The following VPS13B variants were observed in gnomAD, a reference collection of about 807,000 sequenced individuals.
The protein encoded by VPS13B is vacuolar protein sorting 13 homolog B, also known as intermembrane lipid transfer protein VPS13B.
Under a neutral mutation model 426.4 loss-of-function variants are expected in VPS13B, and 285 were observed. That is an observed-to-expected ratio of 0.67 (90% confidence interval 0.61 to 0.74). The LOEUF (loss-of-function observed/expected upper bound fraction) is 0.74, where lower values mean the gene tolerates loss of function less well. VPS13B is among the 30% of genes least tolerant of loss of function. VPS13B has a pLI of 0.00. For synonymous variants in VPS13B, 1,676 were observed against 1,676.4 expected (o/e 1.00, Z 0.01); for missense variants, 4,537 against 4,782.6 (o/e 0.95, Z 1.51).
intron 25 of VPS13B, among the ~76,000 whole-genome samples, chr8:99,498,031 T>C (rs1312042567): frequency 6.6e-6 from 1 of 152,134 alleles, no homozygotes. Flanking sequence ...AGCCATCACA[T>C]ACCATTCAAC....
chr8:99,213,831 T>G (rs1416592983), intron 17 of VPS13B, among the ~76,000 whole-genome samples: 1 of 151,916 alleles, frequency 6.6e-6, no homozygotes, highest in East Asian at 1.9e-4. Flanking sequence ...TTTTTTTTTT[T>G]TTTTGGCTGG....
chr8:99,407,455 A>G (rs1234830800), intron 21 of VPS13B, among the ~76,000 whole-genome samples: 3 of 151,976 alleles, frequency 2.0e-5, no homozygotes, highest in Non-Finnish European at 4.4e-5. Flanking sequence ...ATTTTTTGCT[A>G]TCCATCTATT....
At chr8:99,461,059 A>G (rs144075949) in intron 23 of VPS13B, among the ~76,000 whole-genome samples, 1 of 152,102 alleles carries the variant, frequency 6.6e-6, no homozygotes, top group African/African-American at 2.4e-5. Flanking sequence ...TTTGCAGTTT[A>G]TTTTTGGAAA....
chr8:99,661,199 G>A (rs1431805351), intron 34 of VPS13B, among the ~76,000 whole-genome samples, 155 bp from the exon 35 acceptor site: 1 of 152,064 alleles, frequency 6.6e-6, no homozygotes, highest in Non-Finnish European at 1.5e-5. Flanking sequence ...CAGCGCGAGT[G>A]CTTGTTTACT....
chr8:99,590,091 T>C (rs1826536829), intron 33 of VPS13B, among the ~76,000 whole-genome samples: 1 of 152,210 alleles, frequency 6.6e-6, no homozygotes, highest in Non-Finnish European at 1.5e-5. Flanking sequence ...CAGGAATTTA[T>C]CCATTTCTTC....
intron 39 of VPS13B, among the ~76,000 whole-genome samples, chr8:99,738,889 A>G (rs1482800385): frequency 1.3e-5 from 2 of 152,242 alleles, no homozygotes; most frequent in African/African-American, 2.4e-5. Context: ...TAGAGCTCCC[A>G]GCATGAGCAA....
intron 30 of VPS13B, among the ~76,000 whole-genome samples, chr8:99,535,420 C>T (rs1262683462): frequency 6.6e-6 from 1 of 152,210 alleles, no homozygotes; most frequent in Admixed American, 6.5e-5. Context: ...CTTCCATCCT[C>T]TGTGGTGTAG....
chr8:99,414,743 GC>G (rs1261983751), intron 21 of VPS13B, among the ~76,000 whole-genome samples: 2 of 152,086 alleles, frequency 1.3e-5, no homozygotes, highest in African/African-American at 4.8e-5. Context: ...TCGAATATTG[GC>G]CCCCATTCTC....
chr8:99,158,649 A>G (rs1023523724), intron 15 of VPS13B, among the ~76,000 whole-genome samples: 1 of 152,244 alleles, frequency 6.6e-6, no homozygotes, highest in African/African-American at 2.4e-5. Context: ...CTCATGCTCT[A>G]TAAATGGAAC....
At chr8:99,559,938 G>A (rs1357131786) in intron 31 of VPS13B, among the ~76,000 whole-genome samples, 3 of 152,168 alleles carry the variant, frequency 2.0e-5, no homozygotes, top group Non-Finnish European at 2.9e-5. Context: ...TTCCAATTCT[G>A]TGAAGAAAGT....
chr8:99,280,598 T>A (rs112492208), intron 19 of VPS13B, among the ~76,000 whole-genome samples: 5 of 152,338 alleles, frequency 3.3e-5, no homozygotes, highest in Admixed American at 2.6e-4. Context: ...TAATCAGTTC[T>A]TGATACATGT....
intron 21 of VPS13B, among the ~76,000 whole-genome samples, chr8:99,417,700 G>T (rs3134184): frequency 0.15 from 23,462 of 152,044 alleles, 2,523 homozygotes; most frequent in East Asian, 0.37. Flanking sequence ...TAACAAGACA[G>T]TGTTAATCAG....
intron 39 of VPS13B, among the ~76,000 whole-genome samples, chr8:99,753,552 T>C (rs916291680): frequency 5.3e-5 from 8 of 152,294 alleles, no homozygotes; most frequent in Non-Finnish European, 8.8e-5. Flanking sequence ...AAGTTCTGAG[T>C]ATATTTTTAT....
Position 99,507,123 on chromosome 8 carries a change from C to T in VPS13B, c.4158-14C>T, listed in dbSNP as rs755573403. 1.1e-5 allele frequency: 17 copies of T among 1,613,694 alleles called. No individual in the cohort carries two copies. The highest frequency in any genetic ancestry group is 2.2e-5 in the East Asian group (1 of 44,854). ...AATTGAAGAGAACAGATAAGGTGAACTTATGTTTTCCAGGCCAGGGGAAGG... is the reference window on the plus strand; with the variant it reads ...AATTGAAGAGAACAGATAAGGTGAATTTATGTTTTCCAGGCCAGGGGAAGG... On this transcript the variant is annotated splice_polypyrimidine_tract_variant and intron_variant, in intron 27 of 61. Transcript: ENST00000357162.
intron 43 of VPS13B, among the ~76,000 whole-genome samples, chr8:99,799,632 T>G (rs1289314783): frequency 6.6e-6 from 1 of 152,168 alleles, no homozygotes; most frequent in East Asian, 1.9e-4. Flanking sequence ...AATTAAAAAT[T>G]AAAGATAATT....
At chr8:99,553,819 A>G (rs576196829) in intron 30 of VPS13B, among the ~76,000 whole-genome samples, 9 of 152,226 alleles carry the variant, frequency 5.9e-5, no homozygotes, top group Non-Finnish European at 1.3e-4. Context: ...ATGTCAATAT[A>G]TCAAATATAT....
chr8:99,669,245 A>G (rs1385326030), intron 35 of VPS13B, among the ~76,000 whole-genome samples: 3 of 150,502 alleles, frequency 2.0e-5, no homozygotes, highest in African/African-American at 4.9e-5. Context: ...TAACCATAGG[A>G]TTCCTTAACT....
chr8:99,566,607 T>A (rs1825205490), intron 31 of VPS13B, among the ~76,000 whole-genome samples: 1 of 152,106 alleles, frequency 6.6e-6, no homozygotes, highest in African/African-American at 2.4e-5. Flanking sequence ...CACGCCCAGC[T>A]GATTTTTGTA....
chr8:99,487,411 A>G (rs913216368), intron 25 of VPS13B, among the ~76,000 whole-genome samples: 11 of 152,166 alleles, frequency 7.2e-5, no homozygotes, highest in Admixed American at 5.2e-4. Context: ...AATCCTATCA[A>G]TTAACTTCTT....
Sources: allele counts gnomAD v4.1 joint callset (sites outside exome capture counted in the v4.1 genomes callset), GRCh38; gene constraint gnomAD v4.1.1; transcripts MANE v1.5; gene names NCBI Gene and HGNC (gene_info 2026-07-23, HGNC 2026-07-21).